The following AFF3 variants were observed in gnomAD, a reference collection of about 807,000 sequenced individuals.
The protein encoded by AFF3 is AF4/FMR2 family member 3.
Under a neutral mutation model 129.7 loss-of-function variants are expected in AFF3, and 32 were observed. That is an observed-to-expected ratio of 0.25 (90% CI 0.19 to 0.33). The LOEUF (loss-of-function observed/expected upper bound fraction) is 0.33, where lower values mean the gene tolerates loss of function less well. AFF3 is among the 10% of genes least tolerant of loss of function. The probability of loss-of-function intolerance (pLI) is 1.00; values close to 1 mark genes in which losing one functional copy is unlikely to be tolerated. For missense variants in AFF3, 1,373 were observed against 1,592.0 expected (o/e 0.86, Z 2.34); for synonymous variants, 644 against 635.4 (o/e 1.01, Z -0.20).
At chr2:99,798,701 A>G (rs537272420) in intron 8 of AFF3, among the ~76,000 whole-genome samples, 1 of 152,164 alleles carries the variant, frequency 6.6e-6, no homozygotes, top group African/African-American at 2.4e-5. Context: ...AGCCAGGGAT[A>G]AAGAAGTTTA....
At chr2:100,058,513 T>C (rs1417765657) in intron 4 of AFF3, among the ~76,000 whole-genome samples, 1 of 152,222 alleles carries the variant, frequency 6.6e-6, no homozygotes, top group Non-Finnish European at 1.5e-5. Context: ...AACAGCCACA[T>C]AGGTGCAATG....
intron 11 of AFF3, among the ~76,000 whole-genome samples, chr2:99,699,536 C>A (rs1160661576): frequency 6.6e-6 from 1 of 152,160 alleles, no homozygotes; most frequent in Non-Finnish European, 1.5e-5. Flanking sequence ...ATCAAGTGAA[C>A]TTCTAGGGAT....
At chr2:100,030,066 AAATAAT>A (rs70940193) in intron 4 of AFF3, among the ~76,000 whole-genome samples, 25,040 of 147,728 alleles carry the variant, frequency 0.17, 2,204 homozygotes, top group Middle Eastern at 0.27. Context: ...GACTGTCTCA[AAATAAT>A]AATAATAATA....
At position 100,039,599 on chromosome 2, in the gene AFF3, G is replaced by A. The variant is rs75204689; in HGVS notation, c.54-30667C>T. Among the ~76,000 whole-genome samples the A allele has an allele frequency of 2.5e-3, 381 of 152,092 alleles. 1 individual carries two copies. The highest frequency in any genetic ancestry group is 8.6e-3 in the African/African-American group (357 of 41,508). ...GCCCTCCCCCATGGCCAATGACCTA[G>A]CCTGTCTCCCTTATTAGCTCTACCC... is the stretch of plus-strand genomic sequence containing the variant. On this transcript the variant is annotated intron_variant, in intron 4 of 24. Coordinates refer to ENST00000672756, the MANE Select transcript of AFF3 (RefSeq NM_001386135.1).
intron 20 of AFF3, among the ~76,000 whole-genome samples, chr2:99,560,703 T>C (rs1324360309): frequency 6.6e-6 from 1 of 152,236 alleles, no homozygotes; most frequent in Non-Finnish European, 1.5e-5. Context: ...TCGGGAGTGA[T>C]ACCAGTTCAA....
intron 14 of AFF3, among the ~76,000 whole-genome samples, chr2:99,596,870 C>A (rs1280075252): frequency 6.6e-6 from 1 of 152,194 alleles, no homozygotes; most frequent in Non-Finnish European, 1.5e-5. Flanking sequence ...TACCCACTTT[C>A]AACACATCAC....
chr2:99,887,879 T>A (rs1693238400), intron 7 of AFF3, among the ~76,000 whole-genome samples: 1 of 152,162 alleles, frequency 6.6e-6, no homozygotes, highest in South Asian at 2.1e-4. Flanking sequence ...CTCCAGATCA[T>A]TCAGCTGTGT....
intron 7 of AFF3, among the ~76,000 whole-genome samples, chr2:99,877,087 C>T (rs1052358912): frequency 2.6e-5 from 4 of 152,132 alleles, no homozygotes; most frequent in African/African-American, 9.7e-5. Flanking sequence ...AACAACATTT[C>T]CAGGACAGTG....
intron 17 of AFF3, among the ~76,000 whole-genome samples, chr2:99,579,405 C>CA (rs778716552): frequency 0.016 from 1,701 of 106,886 alleles, 18 homozygotes; most frequent in Middle Eastern, 0.074. Context: ...AACTCCGTCT[C>CA]AAAAAAAAAA....
At chr2:99,752,735 A>G (rs751653008) in intron 8 of AFF3, among the ~76,000 whole-genome samples, 12 of 152,214 alleles carry the variant, frequency 7.9e-5, no homozygotes, top group Non-Finnish European at 1.3e-4. Context: ...TACAATTAGA[A>G]ATAAAGTATC....
At chr2:99,663,199 A>C (rs968829445) in intron 12 of AFF3, among the ~76,000 whole-genome samples, 3 of 152,222 alleles carry the variant, frequency 2.0e-5, no homozygotes, top group African/African-American at 7.2e-5. Context: ...AAAAATGAAG[A>C]GCTTCCATTA....
At chr2:99,797,950 A>C (rs1389127936) in intron 8 of AFF3, among the ~76,000 whole-genome samples, 1 of 152,172 alleles carries the variant, frequency 6.6e-6, no homozygotes, top group Non-Finnish European at 1.5e-5. Flanking sequence ...ACAGACGGAA[A>C]TATAAATATA....
intron 1 of AFF3, among the ~76,000 whole-genome samples, chr2:100,131,897 T>C (rs965816926): frequency 2.6e-5 from 4 of 152,170 alleles, no homozygotes; most frequent in Non-Finnish European, 1.5e-5. Context: ...CATCCCCTTT[T>C]ACAGAACAGG....
At chr2:99,824,193 G>A (rs1375861611) in intron 8 of AFF3, among the ~76,000 whole-genome samples, 6 of 151,182 alleles carry the variant, frequency 4.0e-5, no homozygotes, top group Admixed American at 2.6e-4. Context: ...TCGGCTCGCC[G>A]CAACCTCCAC....
At chr2:99,893,837 G>A (rs1483245478) in intron 7 of AFF3, among the ~76,000 whole-genome samples, 1 of 152,104 alleles carries the variant, frequency 6.6e-6, no homozygotes, top group Non-Finnish European at 1.5e-5. Flanking sequence ...TTATCTATCA[G>A]TATTTAAGGG....
At chr2:99,783,504 C>T (rs1245059407) in intron 8 of AFF3, among the ~76,000 whole-genome samples, 1 of 152,228 alleles carries the variant, frequency 6.6e-6, no homozygotes, top group Admixed American at 6.5e-5. Flanking sequence ...GAAAGATGCC[C>T]TGTGAGAGCA....
At chr2:99,596,548 A>G (rs1352037519) in intron 14 of AFF3, among the ~76,000 whole-genome samples, 1 of 152,146 alleles carries the variant, frequency 6.6e-6, no homozygotes, top group Non-Finnish European at 1.5e-5. Flanking sequence ...TCTTGCAGAA[A>G]GGGTGCACAT....
At chr2:99,645,338 C>G (rs1203056084) in intron 13 of AFF3, among the ~76,000 whole-genome samples, 1 of 152,138 alleles carries the variant, frequency 6.6e-6, no homozygotes, top group Non-Finnish European at 1.5e-5. Flanking sequence ...AAAAAACAAA[C>G]AAACAAACAA....
At chr2:99,786,974 A>C (rs2105416334) in intron 8 of AFF3, among the ~76,000 whole-genome samples, 1 of 152,322 alleles carries the variant, frequency 6.6e-6, no homozygotes, top group Non-Finnish European at 1.5e-5. Context: ...GTCAAGCACC[A>C]GGATCGGTAC....
Sources: gnomAD v4.1 joint callset for allele counts (sites outside exome capture counted in the v4.1 genomes callset) on GRCh38, gnomAD v4.1.1 for gene constraint, MANE v1.5 for transcripts, NCBI Gene and HGNC (gene_info 2026-07-23, HGNC 2026-07-21) for gene names.